The following KCNIP3 variants were observed in gnomAD, a reference collection of about 807,000 sequenced individuals.
KCNIP3 encodes calsenilin.
A neutral mutation model predicts 35.0 loss-of-function variants in KCNIP3; 28 were observed. The observed-to-expected ratio is 0.80, with a 90% CI of 0.59 to 1.10. The LOEUF (loss-of-function observed/expected upper bound fraction) is 1.10. Among genes scored for constraint, KCNIP3 ranks in the 50% least tolerant of loss-of-function variants. The probability of loss-of-function intolerance (pLI) is 0.00; values close to 1 mark genes in which losing one functional copy is unlikely to be tolerated. For synonymous variants in KCNIP3, 134 were observed against 133.8 expected, an observed-to-expected ratio of 1.00 and a Z score of -0.01; for missense variants, 295 against 338.4, an observed-to-expected ratio of 0.87 and a Z score of 1.01.
At chr2:95,315,562 A>G (rs1678433530) in intron 2 of KCNIP3, among the ~76,000 whole-genome samples, 1 of 152,152 alleles carries the variant, frequency 6.6e-6, no homozygotes, top group South Asian at 2.1e-4. Flanking sequence ...AATGGTTAAC[A>G]GCCATCCATG....
intron 2 of KCNIP3, among the ~76,000 whole-genome samples, chr2:95,359,628 T>C (rs1486304376): frequency 3.3e-5 from 5 of 152,238 alleles, no homozygotes; most frequent in East Asian, 1.9e-4. Flanking sequence ...AAGGACTCTC[T>C]GGAGTGGCTC....
At chr2:95,328,957 G>T (rs1678856693) in intron 2 of KCNIP3, among the ~76,000 whole-genome samples, 1 of 152,192 alleles carries the variant, frequency 6.6e-6, no homozygotes, top group African/African-American at 2.4e-5. Context: ...GAAGAGGGGA[G>T]CTGCAGAGGA....
chr2:95,339,578 T>G (rs915773926), intron 2 of KCNIP3, among the ~76,000 whole-genome samples: 1 of 149,032 alleles, frequency 6.7e-6, no homozygotes, highest in Non-Finnish European at 1.5e-5. Context: ...AGTAAGACCC[T>G]GTCAAAAAAA....
Position 95,370,928 on chromosome 2 carries a change from C to CT in KCNIP3, c.182-3356dup, listed in dbSNP as rs1052493702. Among the ~76,000 whole-genome samples, 953 of 145,478 alleles carry CT rather than the reference C, an allele frequency of 6.6e-3. 7 individuals carry two copies. Among genetic ancestry groups the CT allele is most frequent in the African/African-American group, 0.016 (652 of 39,950 alleles). On this transcript the variant is annotated intron_variant, in intron 2 of 8. Transcript: ENST00000295225. ...GGTGTGCACCACCACACCTGGCTAA[C>CT]TTTTTTTTTTTTGTATTTTTAGTAG...
At chr2:95,307,813 GT>G (rs1033627543) in intron 1 of KCNIP3, among the ~76,000 whole-genome samples, 5 of 152,238 alleles carry the variant, frequency 3.3e-5, no homozygotes, top group African/African-American at 1.2e-4. Flanking sequence ...GGCCGCCTCA[GT>G]TTCTTCTGAT....
intron 2 of KCNIP3, among the ~76,000 whole-genome samples, chr2:95,345,716 A>C (rs1455730055): frequency 6.6e-6 from 1 of 152,262 alleles, no homozygotes; most frequent in African/African-American, 2.4e-5. Context: ...GGAGGGCAGC[A>C]GAGGGCCAGG....
chr2:95,383,125 C>T, intron 7 of KCNIP3, 107 bp from the exon 8 acceptor site: 4 of 332,566 alleles, frequency 1.2e-5, no homozygotes, highest in South Asian at 4.2e-5. Flanking sequence ...ACCCGCCCAT[C>T]CACCCACCCG....
At chr2:95,353,084 G>C (rs1268807670) in intron 2 of KCNIP3, among the ~76,000 whole-genome samples, 2 of 152,214 alleles carry the variant, frequency 1.3e-5, no homozygotes, top group Non-Finnish European at 2.9e-5. Context: ...GTGTTGGGGT[G>C]GGGGGCTGTA....
intron 2 of KCNIP3, among the ~76,000 whole-genome samples, chr2:95,344,930 C>G (rs912495345): frequency 1.3e-5 from 2 of 152,218 alleles, no homozygotes; most frequent in African/African-American, 2.4e-5. Flanking sequence ...CAGGCTGGAT[C>G]TTGTTCAGCA....
intron 2 of KCNIP3, among the ~76,000 whole-genome samples, chr2:95,315,290 T>C (rs1490172447): frequency 6.6e-6 from 1 of 152,192 alleles, no homozygotes; most frequent in Non-Finnish European, 1.5e-5. Context: ...AGCTGCAGCC[T>C]GATCGGCCCA....
intron 2 of KCNIP3, among the ~76,000 whole-genome samples, chr2:95,321,859 C>T (rs1678606221): frequency 6.6e-6 from 1 of 152,126 alleles, no homozygotes; most frequent in South Asian, 2.1e-4. Flanking sequence ...CCTAATCAAT[C>T]GTGCAGCTTA....
chr2:95,382,320 T>A lies in KCNIP3; in HGVS notation c.556-57T>A. On this transcript the variant is annotated intron_variant, in intron 6 of 8. Coordinates refer to ENST00000295225, the MANE Select transcript of KCNIP3 (RefSeq NM_013434.5). The surrounding 1 kb of genome is among the most constrained non-coding windows in gnomAD (Gnocchi z 4.5). ...ACCCTTGGATGCCGCCCGCTCCCTT[T>A]GGGCCCTCACAGCCACCCCGGCCTT... 1 of 1,224,942 alleles carries A rather than the reference T, an allele frequency of 8.2e-7. No individual in the cohort carries two copies. Among genetic ancestry groups the A allele is most frequent in the Non-Finnish European group, 1.1e-6 (1 of 877,620 alleles). 75.9% of individuals were successfully genotyped at this position (1,224,942 alleles called of 1,614,324 possible). A position where few individuals can be genotyped will look rare whatever the true frequency, so the allele number is the denominator to read the frequency against.
intron 5 of KCNIP3, among the ~76,000 whole-genome samples, chr2:95,379,227 G>C (rs1175734678): frequency 6.6e-6 from 1 of 152,180 alleles, no homozygotes; most frequent in Non-Finnish European, 1.5e-5. Flanking sequence ...ATAAGGCCTT[G>C]GTTTACTCTG....
intron 1 of KCNIP3, among the ~76,000 whole-genome samples, chr2:95,302,083 C>G (rs1055255863): frequency 6.6e-6 from 1 of 152,142 alleles, no homozygotes; most frequent in Admixed American, 6.5e-5. Flanking sequence ...CACGACACAA[C>G]GCCCACCACT....
chr2:95,374,507 C>A, intron 3 of KCNIP3, 87 bp downstream of exon 3: 1 of 1,499,736 alleles, frequency 6.7e-7, no homozygotes, highest in Non-Finnish European at 9.0e-7. Flanking sequence ...AGTAAATATC[C>A]CAGGGGCCTT....
intron 2 of KCNIP3, among the ~76,000 whole-genome samples, chr2:95,322,858 G>A (rs1351996320): frequency 1.3e-5 from 2 of 152,214 alleles, no homozygotes; most frequent in Non-Finnish European, 2.9e-5. Context: ...GCGCTTCTGA[G>A]TACTGCGAGG....
intron 2 of KCNIP3, among the ~76,000 whole-genome samples, chr2:95,322,941 A>C (rs1193245434): frequency 6.6e-6 from 1 of 152,230 alleles, no homozygotes; most frequent in Non-Finnish European, 1.5e-5. Flanking sequence ...GAGTTCATTA[A>C]GAGCCACCGC....
chr2:95,345,623 C>A (rs1249537608), intron 2 of KCNIP3, among the ~76,000 whole-genome samples: 1 of 152,256 alleles, frequency 6.6e-6, no homozygotes, highest in African/African-American at 2.4e-5. Context: ...GCTAACACAG[C>A]GGGAAGGATG....
chr2:95,327,036 T>C (rs1185417253), intron 2 of KCNIP3, among the ~76,000 whole-genome samples: 1 of 152,226 alleles, frequency 6.6e-6, no homozygotes, highest in Non-Finnish European at 1.5e-5. Context: ...CCAGTCAGAT[T>C]GCACGGGACA....
Sources: allele counts gnomAD v4.1 joint callset (sites outside exome capture counted in the v4.1 genomes callset), GRCh38; gene constraint gnomAD v4.1.1; non-coding constraint Gnocchi (gnomAD v3.1); transcripts MANE v1.5; gene names NCBI Gene and HGNC (gene_info 2026-07-23, HGNC 2026-07-21).